SPATA17: variants seen among roughly 807,000 people sequenced by gnomAD.
The protein encoded by SPATA17 is spermatogenesis associated 17, also known as spermatogenesis-associated protein 17.
In SPATA17, 53 loss-of-function variants were observed where a neutral mutation model predicts 62.2. That is an observed-to-expected ratio of 0.85 (90% CI 0.68 to 1.07). The LOEUF (loss-of-function observed/expected upper bound fraction) is 1.07, where lower values mean the gene tolerates loss of function less well. SPATA17 is among the 50% of genes least tolerant of loss of function. The probability of loss-of-function intolerance (pLI) is 0.00; values close to 1 mark genes in which losing one functional copy is unlikely to be tolerated. For missense variants in SPATA17, 466 were observed against 425.5 expected (o/e 1.10, Z -0.84); for synonymous variants, 146 against 146.8 (o/e 0.99, Z 0.04).
chr1:217,650,065 G>A (rs1670275307), intron 2 of SPATA17, among the ~76,000 whole-genome samples: 1 of 151,368 alleles, frequency 6.6e-6, no homozygotes, highest in African/African-American at 2.4e-5. Context: ...TCAGCCTCTC[G>A]GGTAGCTGGG....
At chr1:217,843,927 G>A (rs1675467117) in intron 9 of SPATA17, among the ~76,000 whole-genome samples, 1 of 152,088 alleles carries the variant, frequency 6.6e-6, no homozygotes, top group Non-Finnish European at 1.5e-5. Context: ...GACAGTGCTG[G>A]AAAATGGAAT....
chr1:217,813,666 C>G (rs1357169244), intron 9 of SPATA17, among the ~76,000 whole-genome samples: 1 of 151,910 alleles, frequency 6.6e-6, no homozygotes, highest in Non-Finnish European at 1.5e-5. Context: ...TCTTTCTCTC[C>G]CTCTTTAACA....
chr1:217,721,900 A>G lies in SPATA17; in HGVS notation c.396-20075A>G, dbSNP rs183274891. ...TGGCATTCCTCTCAAACTACCAAACATTCCTCTCTGCTTCTAAGACGTGGC... is the reference window on the plus strand; with the variant it reads ...TGGCATTCCTCTCAAACTACCAAACGTTCCTCTCTGCTTCTAAGACGTGGC... On this transcript the variant is annotated intron_variant, in intron 5 of 10. Transcript: ENST00000366933. 6.6e-5 allele frequency among the ~76,000 whole-genome samples: 10 copies of G among 152,278 alleles called. No homozygotes were observed. In the East Asian group the frequency reaches 1.7e-3, roughly 27 times the overall value.
At chr1:217,686,921 G>T (rs558612004) in intron 5 of SPATA17, among the ~76,000 whole-genome samples, 24 of 152,174 alleles carry the variant, frequency 1.6e-4, no homozygotes, top group Non-Finnish European at 1.5e-4. Context: ...ATTTCACCAT[G>T]TTGGCCAGGC....
intron 9 of SPATA17, among the ~76,000 whole-genome samples, chr1:217,825,636 T>C (rs61827063): frequency 0.039 from 5,980 of 152,030 alleles, 144 homozygotes; most frequent in Middle Eastern, 0.065. Flanking sequence ...TCCTGGTGTA[T>C]GTATGAAAGA....
intron 9 of SPATA17, among the ~76,000 whole-genome samples, chr1:217,858,496 C>G (rs528332631): frequency 3.3e-5 from 5 of 152,292 alleles, no homozygotes; most frequent in Admixed American, 1.3e-4. Context: ...CTTCTATTTT[C>G]TAGAACAAAT....
intron 6 of SPATA17, among the ~76,000 whole-genome samples, chr1:217,742,873 G>A (rs1181959558): frequency 6.6e-6 from 1 of 151,822 alleles, no homozygotes; most frequent in Non-Finnish European, 1.5e-5. Context: ...ATGTCTCCAG[G>A]TAGGGGCAAG....
At chr1:217,685,659 T>C (rs1215668343) in intron 5 of SPATA17, among the ~76,000 whole-genome samples, 1 of 152,194 alleles carries the variant, frequency 6.6e-6, no homozygotes, top group Non-Finnish European at 1.5e-5. Flanking sequence ...TATCAAACCA[T>C]CATTTATTTT....
rs1294161376 is a variant in SPATA17 at position 217,847,059 on chromosome 1, T to C, written c.1006-15715T>C. Reference sequence around the variant, plus strand: ...GTTGAATTTCACTTTATTCAAGAAATTATTTTTCTCCTAGATTGTGTGACT... The same window carrying C: ...GTTGAATTTCACTTTATTCAAGAAACTATTTTTCTCCTAGATTGTGTGACT... On this transcript the variant is annotated intron_variant, in intron 9 of 10. Transcript: ENST00000366933. Among the ~76,000 whole-genome samples, 3 of 152,114 alleles carry C rather than the reference T, an allele frequency of 2.0e-5. No individual in the cohort carries two copies. The East Asian group carries it at 5.8e-4, about 29-fold the overall frequency.
chr1:217,732,908 AGAT>A (rs1329773033), intron 5 of SPATA17, among the ~76,000 whole-genome samples: 1 of 152,164 alleles, frequency 6.6e-6, no homozygotes, highest in Middle Eastern at 3.2e-3. Flanking sequence ...GCAACTCTCT[AGAT>A]GATAAAAAGA....
At chr1:217,848,864 A>T (rs143622831) in intron 9 of SPATA17, among the ~76,000 whole-genome samples, 1 of 152,004 alleles carries the variant, frequency 6.6e-6, no homozygotes, top group Non-Finnish European at 1.5e-5. Context: ...TGAATTTTAT[A>T]TTCCTTATTT....
chr1:217,717,942 A>G (rs538629876), intron 5 of SPATA17, among the ~76,000 whole-genome samples: 71 of 152,328 alleles, frequency 4.7e-4, no homozygotes, highest in Non-Finnish European at 7.9e-4. Context: ...GTTGAAAAAC[A>G]CAACTGCTAT....
intron 9 of SPATA17, among the ~76,000 whole-genome samples, chr1:217,850,233 A>G (rs1176579153): frequency 1.3e-5 from 2 of 152,202 alleles, no homozygotes; most frequent in African/African-American, 2.4e-5. Context: ...TTCCAAAAGT[A>G]TGGCATCCAG....
intron 6 of SPATA17, among the ~76,000 whole-genome samples, chr1:217,750,061 C>T (rs1672870259): frequency 7.1e-6 from 1 of 140,556 alleles, no homozygotes; most frequent in Non-Finnish European, 1.5e-5. Flanking sequence ...ATTCAGAAGC[C>T]TCCCCTCTAC....
At chr1:217,655,676 T>C (rs1571709081) in intron 3 of SPATA17, among the ~76,000 whole-genome samples, 1 of 152,212 alleles carries the variant, frequency 6.6e-6, no homozygotes, top group East Asian at 1.9e-4. Context: ...TATTTATTTA[T>C]TCATGTATTT....
At chr1:217,688,212 G>C (rs551252781) in intron 5 of SPATA17, among the ~76,000 whole-genome samples, 119 of 152,054 alleles carry the variant, frequency 7.8e-4, no homozygotes, top group Middle Eastern at 3.4e-3. Context: ...ATTCCAGCTG[G>C]GGCAACAGAG....
Position 217,867,463 on chromosome 1 carries a change from GATTATACCA to G in SPATA17, c.*445_*453del, listed in dbSNP as rs1477988378. The G allele has an allele frequency of 6.6e-6, 1 of 152,200 alleles. No individual in the cohort carries two copies. Among genetic ancestry groups the G allele is most frequent in the Non-Finnish European group, 1.5e-5 (1 of 68,042 alleles). 9.4% of individuals were successfully genotyped at this position (152,200 alleles called of 1,614,324 possible). A position where few individuals can be genotyped will look rare whatever the true frequency, so the allele number is the denominator to read the frequency against. On this transcript the variant is annotated 3_prime_UTR_variant, in exon 11 of 11. Coordinates refer to ENST00000366933, the MANE Select transcript of SPATA17 (RefSeq NM_138796.4). Reference sequence around the variant, plus strand: ...AGCTCTGCCCTGAGAAATAATGACTGATTATACCAGTTAGAAACCCTTCAGACTGTTGAA... The same window carrying G: ...AGCTCTGCCCTGAGAAATAATGACTGGTTAGAAACCCTTCAGACTGTTGAA...
chr1:217,722,998 G>T (rs1409039262), intron 5 of SPATA17, among the ~76,000 whole-genome samples: 1 of 152,064 alleles, frequency 6.6e-6, no homozygotes, highest in African/African-American at 2.4e-5. Context: ...GGGTCCATGG[G>T]GTCAAGAGGG....
At chr1:217,849,299 G>C (rs1305809543) in intron 9 of SPATA17, among the ~76,000 whole-genome samples, 2 of 152,056 alleles carry the variant, frequency 1.3e-5, no homozygotes, top group African/African-American at 4.8e-5. Flanking sequence ...ACTTTCTGTG[G>C]ATGGGCCACT....
Sources: gnomAD v4.1 joint callset for allele counts (sites outside exome capture counted in the v4.1 genomes callset) on GRCh38, gnomAD v4.1.1 for gene constraint, MANE v1.5 for transcripts, NCBI Gene and HGNC (gene_info 2026-07-23, HGNC 2026-07-21) for gene names.